The following DOCK3 variants were observed in gnomAD, a reference collection of about 807,000 sequenced individuals.
DOCK3 encodes the protein dedicator of cytokinesis 3.
In DOCK3, 60 loss-of-function variants were observed where a neutral mutation model predicts 265.6. The observed-to-expected ratio is 0.23, with a 90% CI of 0.18 to 0.28. DOCK3 has a LOEUF of 0.28. DOCK3 is among the 10% of genes least tolerant of loss of function. DOCK3 has a pLI of 1.00. For synonymous variants in DOCK3, 881 were observed against 938.0 expected, an observed-to-expected ratio of 0.94 and a Z score of 1.11; for missense variants, 1,981 against 2,594.3, an observed-to-expected ratio of 0.76 and a Z score of 5.14.
chr3:50,772,811 C>T (rs963320945), intron 1 of DOCK3, among the ~76,000 whole-genome samples: 27 of 151,956 alleles, frequency 1.8e-4, no homozygotes, highest in African/African-American at 6.5e-4. Context: ...ATGGAAAGAT[C>T]TCATGCTCAT....
At chr3:51,208,652 A>G in intron 12 of DOCK3, 122 bp from the exon 13 acceptor site, 1 of 756,704 alleles carries the variant, frequency 1.3e-6, no homozygotes, top group Non-Finnish European at 2.1e-6. Flanking sequence ...AGTAAAACAG[A>G]ACATCATTTC....
intron 2 of DOCK3, among the ~76,000 whole-genome samples, chr3:50,807,676 G>A (rs1576496735): frequency 6.6e-6 from 1 of 152,206 alleles, no homozygotes; most frequent in African/African-American, 2.4e-5. Flanking sequence ...GATTTTATGT[G>A]TAAAATGTGC....
intron 5 of DOCK3, 57 bp downstream of exon 5, chr3:50,934,134 A>G (rs1425185536): frequency 1.7e-6 from 2 of 1,180,808 alleles, no homozygotes; most frequent in African/African-American, 1.5e-5. Context: ...CCAAGTAAAA[A>G]TATTAAACTA....
rs370100444 is a variant in DOCK3, at chr3:51,250,624, AAAAC to A, written c.2184+3834_2184+3837del. ...ACAGAGCAAAACTCCATCTCAAGAG[AAAAC>A]AAACAAACAAACAAACTCGATGAGT... On this transcript the variant is annotated intron_variant, in intron 22 of 52. Transcript: ENST00000266037. 2.0e-4 allele frequency among the ~76,000 whole-genome samples: 30 copies of A among 152,274 alleles called. No homozygotes were observed. In the South Asian group the frequency reaches 3.7e-3, roughly 19 times the overall value.
chr3:50,910,408 C>T (rs552297190), intron 4 of DOCK3, among the ~76,000 whole-genome samples: 1 of 152,282 alleles, frequency 6.6e-6, no homozygotes, highest in South Asian at 2.1e-4. Context: ...GCTGCCCCAT[C>T]TCATGTGTCA....
intron 2 of DOCK3, among the ~76,000 whole-genome samples, chr3:50,832,766 G>A (rs1380595085): frequency 6.6e-6 from 1 of 152,126 alleles, no homozygotes; most frequent in Non-Finnish European, 1.5e-5. Flanking sequence ...TCTAGCTTCT[G>A]AAACTTCTTC....
chr3:51,305,735 C>CGTGTGTGT (rs113288288), intron 27 of DOCK3, among the ~76,000 whole-genome samples: 71 of 137,746 alleles, frequency 5.2e-4, no homozygotes, highest in African/African-American at 9.3e-4. Context: ...TGTGTGTGCG[C>CGTGTGTGT]GTGTGTGTGT....
intron 3 of DOCK3, chr3:50,877,641 G>A: frequency 2.4e-6 from 1 of 421,390 alleles, no homozygotes; most frequent in Non-Finnish European, 4.6e-6. Context: ...GGGCTTCAAT[G>A]GCAGCCACTT....
At chr3:50,766,744 G>T (rs368703436) in intron 1 of DOCK3, among the ~76,000 whole-genome samples, 1 of 152,150 alleles carries the variant, frequency 6.6e-6, no homozygotes, top group Non-Finnish European at 1.5e-5. Context: ...CACCAACAGC[G>T]TAAAAATGTT....
chr3:50,743,642 A>G (rs969232393), intron 1 of DOCK3, among the ~76,000 whole-genome samples: 39 of 152,170 alleles, frequency 2.6e-4, no homozygotes, highest in Admixed American at 7.2e-4. Context: ...AGAGCTAACT[A>G]TCCTAAATAT....
intron 35 of DOCK3, 26 bp from the exon 36 acceptor site, chr3:51,338,333 G>A (rs2085001157): frequency 6.4e-7 from 1 of 1,551,456 alleles, no homozygotes; most frequent in East Asian, 2.4e-5. Context: ...TTCATATCTG[G>A]TGCTCATCTG....
rs527669611 is a variant in DOCK3 at position 50,900,702 on chromosome 3, G to A, written c.218+10621G>A. On this transcript the variant is annotated intron_variant, in intron 4 of 52. Coordinates refer to ENST00000266037, the MANE Select transcript of DOCK3 (RefSeq NM_004947.5). The stretch of plus-strand genomic sequence containing the variant: ...GTTAATGTTGATCTTATTCCTTTCT[G>A]TTTGTTAGTTTTCCTTCCAATGGTC... The A allele has an allele frequency of 6.1e-4, 275 of 451,464 alleles. 1 individual carries two copies. The highest frequency in any genetic ancestry group is 2.8e-3 in the South Asian group (180 of 64,098). The allele number at this position is 451,464 out of a possible 1,614,324, so 28.0% of individuals were successfully genotyped here.
intron 3 of DOCK3, among the ~76,000 whole-genome samples, chr3:50,859,284 T>C (rs2046785180): frequency 6.9e-6 from 1 of 144,658 alleles, no homozygotes. Context: ...GGCATGAACT[T>C]GGCTCACTGC....
chr3:50,706,438 G>C (rs35170043), intron 1 of DOCK3, among the ~76,000 whole-genome samples: 14,376 of 152,188 alleles, frequency 0.094, 838 homozygotes, highest in Non-Finnish European at 0.12. Flanking sequence ...AGGCCTGTGA[G>C]GTTTTTGCTG....
intron 5 of DOCK3, among the ~76,000 whole-genome samples, chr3:50,951,791 G>GA (rs60461799): frequency 0.071 from 10,648 of 149,394 alleles, 942 homozygotes; most frequent in East Asian, 0.33. Context: ...TGCTAAGACT[G>GA]AAAAAAAAAA....
intron 5 of DOCK3, among the ~76,000 whole-genome samples, chr3:50,945,320 T>A (rs1449222988): frequency 2.0e-5 from 3 of 152,184 alleles, no homozygotes; most frequent in Non-Finnish European, 4.4e-5. Context: ...GTTTACCATA[T>A]AGTTTGTTTT....
intron 12 of DOCK3, among the ~76,000 whole-genome samples, chr3:51,178,044 C>T (rs2087062378): frequency 7.5e-6 from 1 of 132,772 alleles, no homozygotes; most frequent in African/African-American, 2.9e-5. Flanking sequence ...AAAAAAAAGT[C>T]TCAAAATAGT....
intron 2 of DOCK3, among the ~76,000 whole-genome samples, chr3:50,829,839 A>G (rs1468293307): frequency 6.6e-6 from 1 of 152,194 alleles, no homozygotes; most frequent in Non-Finnish European, 1.5e-5. Context: ...CTCCAGAGTG[A>G]CTAATTTTAA....
intron 27 of DOCK3, among the ~76,000 whole-genome samples, chr3:51,286,500 G>A (rs2081413064): frequency 6.6e-6 from 1 of 152,086 alleles, no homozygotes; most frequent in Non-Finnish European, 1.5e-5. Context: ...AAAAAAGCCT[G>A]AATAGCCAAA....
Sources: allele counts gnomAD v4.1 joint callset (sites outside exome capture counted in the v4.1 genomes callset), GRCh38; gene constraint gnomAD v4.1.1; transcripts MANE v1.5; gene names NCBI Gene and HGNC (gene_info 2026-07-23, HGNC 2026-07-21).